The following NPTN variants were observed in gnomAD, a reference collection of about 807,000 sequenced individuals.
NPTN encodes the protein neuroplastin.
NPTN carries 5 observed loss-of-function variants against 42.7 expected under a neutral mutation model. That is an observed-to-expected ratio of 0.12 (90% CI 0.06 to 0.25). The LOEUF (loss-of-function observed/expected upper bound fraction) is 0.25, where lower values mean the gene tolerates loss of function less well. Among genes scored for constraint, NPTN ranks in the 10% least tolerant of loss-of-function variants. NPTN has a pLI of 1.00. For synonymous variants in NPTN, 180 were observed against 201.9 expected, an observed-to-expected ratio of 0.89 and a Z score of 0.92; for missense variants, 307 against 525.4, an observed-to-expected ratio of 0.58 and a Z score of 4.06.
chr15:73,583,104 C>T (rs1240947235), intron 4 of NPTN, among the ~76,000 whole-genome samples: 4 of 152,162 alleles, frequency 2.6e-5, no homozygotes, highest in Admixed American at 6.5e-5. Context: ...GAACCTAGAC[C>T]GTCAAGAGCC....
At chr15:73,601,516 T>G (rs1179007802) in intron 1 of NPTN, among the ~76,000 whole-genome samples, 1 of 152,234 alleles carries the variant, frequency 6.6e-6, no homozygotes, top group Non-Finnish European at 1.5e-5. Context: ...CCTGACTCAC[T>G]GCCCTGCCTT....
chr15:73,598,211 T>A (rs1345320816), intron 1 of NPTN, among the ~76,000 whole-genome samples: 1 of 152,138 alleles, frequency 6.6e-6, no homozygotes, highest in Non-Finnish European at 1.5e-5. Flanking sequence ...CATAACCCCA[T>A]AGATCCATTA....
chr15:73,621,872 G>T (rs867598703), intron 1 of NPTN, among the ~76,000 whole-genome samples: 2 of 151,832 alleles, frequency 1.3e-5, no homozygotes, highest in Non-Finnish European at 2.9e-5. Context: ...TCCACTGTTC[G>T]AGTCCTCTTA....
intron 1 of NPTN, among the ~76,000 whole-genome samples, chr15:73,603,633 T>G (rs982932112): frequency 6.6e-6 from 1 of 152,154 alleles, no homozygotes; most frequent in Non-Finnish European, 1.5e-5. Flanking sequence ...CCAAGAATAA[T>G]AAGAATAAAG....
chr15:73,576,318 G>T (rs967100679), intron 4 of NPTN, among the ~76,000 whole-genome samples: 1 of 152,144 alleles, frequency 6.6e-6, no homozygotes, highest in African/African-American at 2.4e-5. Context: ...CTGACCTGTG[G>T]TAAGTAAAGA....
chr15:73,597,182 G>T lies in NPTN; in HGVS notation c.279C>A (p.Tyr93Ter). 6.2e-7 allele frequency: 1 copy of T among 1,614,146 alleles called. No individual in the cohort carries two copies. Among genetic ancestry groups the T allele is most frequent in the Non-Finnish European group, 8.5e-7 (1 of 1,180,022 alleles). ...TCAGCACACTCACGCCGTTTGACCC[G>T]TAGGCGGTGTTTACGGTGACACGGC... ...RKRRVTVNTAYGSNGVSVLRI... is the reference protein window; with the variant it reads ...RKRRVTVNTA Residue 93 changes from tyrosine to a stop codon, truncating the protein, a stop_gained, in exon 2 of 9, where the codon TAC becomes TAA. Coordinates refer to ENST00000345330, the MANE Select transcript of NPTN (RefSeq NM_012428.4). LOFTEE classifies it high-confidence loss of function. This position sits in a 1 kb window ranked among gnomAD's most constrained non-coding sequence, Gnocchi z 6.3.
intron 1 of NPTN, chr15:73,632,780 G>C (rs893313564): frequency 4.1e-6 from 1 of 244,518 alleles, no homozygotes; most frequent in African/African-American, 2.2e-5. Flanking sequence ...CTCCCTAAGA[G>C]CTGCGCCCCC....
intron 2 of NPTN, among the ~76,000 whole-genome samples, chr15:73,593,419 A>G (rs1450218645): frequency 6.6e-5 from 10 of 152,038 alleles, no homozygotes; most frequent in African/African-American, 9.7e-5. Context: ...TTGTTTTCCA[A>G]TTCTCTCTCA....
chr15:73,596,156 AAAT>A (rs916082124), intron 2 of NPTN, among the ~76,000 whole-genome samples: 2 of 152,188 alleles, frequency 1.3e-5, no homozygotes, highest in African/African-American at 4.8e-5. Context: ...TGGGCTAAAA[AAAT>A]AATAATTTGC....
At position 73,628,393 on chromosome 15, in the gene NPTN, C is replaced by G. The variant is rs1025681911; in HGVS notation, c.91+4732G>C. Among the ~76,000 whole-genome samples the G allele has an allele frequency of 3.9e-5, 6 of 152,308 alleles. No homozygotes were observed. In the East Asian group the frequency reaches 1.2e-3, roughly 29 times the overall value. On this transcript the variant is annotated intron_variant, in intron 1 of 8. Transcript: ENST00000345330. Reference sequence around the variant, plus strand: ...TACTTCTGATCCTGTCCAGATTGTACTCTCACTGCAAACAGTAAATTGAAT... The same window carrying G: ...TACTTCTGATCCTGTCCAGATTGTAGTCTCACTGCAAACAGTAAATTGAAT...
chr15:73,565,790 C>A (rs1251721564), intron 6 of NPTN: 1 of 456,420 alleles, frequency 2.2e-6, no homozygotes, highest in Admixed American at 2.3e-5. Flanking sequence ...GTAGCACACA[C>A]TGATTTATCT....
intron 1 of NPTN, among the ~76,000 whole-genome samples, chr15:73,619,062 CA>C (rs61683372): frequency 0.081 from 4,951 of 61,166 alleles, 74 homozygotes; most frequent in African/African-American, 0.14. Context: ...GACCCTGTCT[CA>C]AAAAAAAAAA....
At chr15:73,631,772 T>C (rs977169047) in intron 1 of NPTN, among the ~76,000 whole-genome samples, 1 of 152,192 alleles carries the variant, frequency 6.6e-6, no homozygotes, top group Non-Finnish European at 1.5e-5. Context: ...TTAATGGCTG[T>C]TTCCACAAGG....
At chr15:73,593,754 A>G (rs1371417100) in intron 2 of NPTN, among the ~76,000 whole-genome samples, 2 of 152,148 alleles carry the variant, frequency 1.3e-5, no homozygotes, top group Non-Finnish European at 2.9e-5. Context: ...CTATTTTCCA[A>G]CTCTGGCAAA....
intron 1 of NPTN, chr15:73,599,597 G>C (rs1896990355): frequency 7.1e-6 from 1 of 141,836 alleles, no homozygotes; most frequent in Non-Finnish European, 1.5e-5. Flanking sequence ...CTGGGCGACA[G>C]AGCGAGACTC....
chr15:73,568,811 CAACA>C, intron 6 of NPTN: 1 of 985,516 alleles, frequency 1.0e-6, no homozygotes, highest in Non-Finnish European at 1.2e-6. Context: ...TCAGTGTCAT[CAACA>C]AACCTCCTCA....
chr15:73,574,028 G>A (rs556916889), intron 4 of NPTN, among the ~76,000 whole-genome samples: 1 of 152,220 alleles, frequency 6.6e-6, no homozygotes, highest in Non-Finnish European at 1.5e-5. Context: ...ACTAATATAT[G>A]AGGCTCTACT....
chr15:73,596,151 T>TA (rs1303115664), intron 2 of NPTN, among the ~76,000 whole-genome samples: 7 of 152,098 alleles, frequency 4.6e-5, no homozygotes, highest in African/African-American at 1.4e-4. Flanking sequence ...TGTGATGGGC[T>TA]AAAAAAATAA....
At chr15:73,607,848 A>G (rs1156486900) in intron 1 of NPTN, among the ~76,000 whole-genome samples, 1 of 152,212 alleles carries the variant, frequency 6.6e-6, no homozygotes, top group Admixed American at 6.5e-5. Flanking sequence ...GAGGCCTGAG[A>G]CTGCACTTAC....
Sources: allele counts gnomAD v4.1 joint callset (sites outside exome capture counted in the v4.1 genomes callset), GRCh38; gene constraint gnomAD v4.1.1; non-coding constraint Gnocchi (gnomAD v3.1); transcripts MANE v1.5; gene names NCBI Gene and HGNC (gene_info 2026-07-23, HGNC 2026-07-21).